RAP2A: variants seen among roughly 807,000 people sequenced by gnomAD.
RAP2A encodes RAP2A, member of RAS oncogene family, also known as ras-related protein Rap-2a.
A neutral mutation model predicts 15.1 loss-of-function variants in RAP2A; 5 were observed. The ratio of observed to expected loss-of-function variants is 0.33; its 90% CI spans 0.17 to 0.70. RAP2A has a LOEUF of 0.70. RAP2A is among the 30% of genes least tolerant of loss of function. The pLI is 0.68. For missense variants in RAP2A, 111 were observed against 240.3 expected, an observed-to-expected ratio of 0.46 and a Z score of 3.56; for synonymous variants, 110 against 99.7, an observed-to-expected ratio of 1.10 and a Z score of -0.62.
intron 1 of RAP2A, among the ~76,000 whole-genome samples, chr13:97,458,670 A>G (rs771216741): frequency 3.9e-5 from 6 of 152,232 alleles, no homozygotes; most frequent in Admixed American, 6.5e-5. Context: ...ACTATCTTTA[A>G]AAGAATTCTC....
chr13:97,434,327 G>A lies in RAP2A; in HGVS notation c.-144G>A, dbSNP rs1374025754. 1.8e-6 allele frequency: 1 copy of A among 547,766 alleles called. No homozygotes were observed. The highest frequency in any genetic ancestry group is 2.3e-6 in the Non-Finnish European group (1 of 433,806). 33.9% of individuals were successfully genotyped at this position (547,766 alleles called of 1,614,324 possible). ...CTCAGTTGCCGCCGCCGCCGCCGGC[G>A]CCCAGGGGGCCGCCGCGGCTGTGAG... On this transcript the variant is annotated 5_prime_UTR_variant, in exon 1 of 2. Transcript: ENST00000245304.
In RAP2A at chr13:97,467,177, T is replaced by C. The variant is rs1034774513; in HGVS notation, c.*2735T>C. Reference sequence around the variant, plus strand: ...TTTACTTTTATACAAAGGCAGCATCTTTGAATTTTTTTTTCTTTTGATGTT... The same window carrying C: ...TTTACTTTTATACAAAGGCAGCATCCTTGAATTTTTTTTTCTTTTGATGTT... On this transcript the variant is annotated 3_prime_UTR_variant, in exon 2 of 2. Transcript: ENST00000245304. 6.6e-6 allele frequency: 1 copy of C among 152,628 alleles called. No homozygotes were observed. Among genetic ancestry groups the C allele is most frequent in the Non-Finnish European group, 1.5e-5 (1 of 68,050 alleles). The allele number at this position is 152,628 out of a possible 1,614,324, so 9.5% of individuals were successfully genotyped here.
At position 97,466,596 on chromosome 13, in the gene RAP2A, A is replaced by T. The variant is rs1377974027; in HGVS notation, c.*2154A>T. Reference sequence around the variant, plus strand: ...TTGACAAGTAAGATTGCAAAATAGAAATATCTATAAAGATTCCACAGTTTG... The same window carrying T: ...TTGACAAGTAAGATTGCAAAATAGATATATCTATAAAGATTCCACAGTTTG... On this transcript the variant is annotated 3_prime_UTR_variant, in exon 2 of 2. Transcript: ENST00000245304. The T allele has an allele frequency of 6.6e-6, 1 of 152,238 alleles. No homozygotes were observed. The highest frequency in any genetic ancestry group is 2.4e-5 in the African/African-American group (1 of 41,468). 9.4% of individuals were successfully genotyped at this position (152,238 alleles called of 1,614,324 possible).
At chr13:97,440,094 C>T (rs2066650854) in intron 1 of RAP2A, among the ~76,000 whole-genome samples, 1 of 152,012 alleles carries the variant, frequency 6.6e-6, no homozygotes, top group African/African-American at 2.4e-5. Context: ...CGAGAGTATA[C>T]ATCAAAAGAT....
chr13:97,434,987 C>T (rs1390050755), intron 1 of RAP2A, among the ~76,000 whole-genome samples: 1 of 152,224 alleles, frequency 6.6e-6, no homozygotes, highest in Non-Finnish European at 1.5e-5. Context: ...ATCGTGTTAG[C>T]CCACAGAACA....
chr13:97,447,991 T>C (rs1011339475), intron 1 of RAP2A, among the ~76,000 whole-genome samples: 10 of 152,136 alleles, frequency 6.6e-5, no homozygotes, highest in African/African-American at 1.9e-4. Context: ...TTTTTCTTTT[T>C]TCTTTTTTTA....
At chr13:97,437,226 A>G (rs2066637876) in intron 1 of RAP2A, 1 of 152,212 alleles carries the variant, frequency 6.6e-6, no homozygotes, top group Admixed American at 6.5e-5. Context: ...TTAATAAGGT[A>G]CTTTACTTCT....
chr13:97,468,993 G>A lies in RAP2A; in HGVS notation c.*4551G>A, dbSNP rs188397465. The A allele has an allele frequency of 1.8e-3, 275 of 152,154 alleles. 1 individual carries two copies. The highest frequency in any genetic ancestry group is 6.1e-3 in the African/African-American group (252 of 41,510). The allele number at this position is 152,154 out of a possible 1,614,324, so 9.4% of individuals were successfully genotyped here. On this transcript the variant is annotated 3_prime_UTR_variant, in exon 2 of 2. Transcript: ENST00000245304. Reference sequence around the variant, plus strand: ...ACTTCTGAAAGAAGCTGTTGACCTCGTTTCTTAATTTAAAATATGTTGCCA... The same window carrying A: ...ACTTCTGAAAGAAGCTGTTGACCTCATTTCTTAATTTAAAATATGTTGCCA...
chr13:97,454,469 T>C (rs1259275921), intron 1 of RAP2A, among the ~76,000 whole-genome samples: 1 of 151,186 alleles, frequency 6.6e-6, no homozygotes, highest in East Asian at 1.9e-4. Flanking sequence ...AAATGGTTGT[T>C]GTAGGTATTA....
intron 1 of RAP2A, among the ~76,000 whole-genome samples, chr13:97,438,249 G>A (rs1031280131): frequency 3.9e-5 from 6 of 152,084 alleles, no homozygotes; most frequent in Admixed American, 2.0e-4. Flanking sequence ...TTGCTGTTAG[G>A]AAAAAGTCCA....
chr13:97,441,622 G>T (rs2066657973), intron 1 of RAP2A: 4 of 243,984 alleles, frequency 1.6e-5, no homozygotes, highest in South Asian at 8.5e-5. Context: ...TTCTCTTTTA[G>T]TCATTGTCTT....
rs2066621916 is a variant in RAP2A, at chr13:97,434,213, T to C, written c.-258T>C. On this transcript the variant is annotated 5_prime_UTR_variant, in exon 1 of 2. Coordinates refer to ENST00000245304, the MANE Select transcript of RAP2A (RefSeq NM_021033.7). ...GGCGGCACCAGCGGCTCCCGGTCTC[T>C]CTCTCTGCTCGCCCTCAGTCCCACC... 1 of 144,486 alleles carries C rather than the reference T, an allele frequency of 6.9e-6. No homozygotes were observed. The highest frequency in any genetic ancestry group is 2.2e-4 in the East Asian group (1 of 4,614). 9.0% of individuals were successfully genotyped at this position (144,486 alleles called of 1,614,324 possible). A position where few individuals can be genotyped will look rare whatever the true frequency, so the allele number is the denominator to read the frequency against.
chr13:97,447,860 A>T (rs905465007), intron 1 of RAP2A, among the ~76,000 whole-genome samples: 2 of 152,062 alleles, frequency 1.3e-5, no homozygotes, highest in African/African-American at 4.8e-5. Flanking sequence ...TAAAACATTC[A>T]TTGCCCTTGC....
At chr13:97,462,248 A>C (rs1184348262) in intron 1 of RAP2A, among the ~76,000 whole-genome samples, 1 of 151,886 alleles carries the variant, frequency 6.6e-6, no homozygotes, top group Non-Finnish European at 1.5e-5. Flanking sequence ...CTGTCAAGCA[A>C]AGCATTTTAA....
intron 1 of RAP2A, among the ~76,000 whole-genome samples, chr13:97,452,513 G>A (rs2153179853): frequency 6.6e-6 from 1 of 151,204 alleles, no homozygotes; most frequent in South Asian, 2.1e-4. Context: ...CTTAATTTTT[G>A]TAACTTTATA....
Position 97,466,253 on chromosome 13 carries a change from C to T in RAP2A, c.*1811C>T, listed in dbSNP as rs952600640. 1.3e-5 allele frequency: 2 copies of T among 148,888 alleles called. No homozygotes were observed. Among genetic ancestry groups the T allele is most frequent in the Non-Finnish European group, 3.0e-5 (2 of 67,278 alleles). The allele number at this position is 148,888 out of a possible 1,614,324, so 9.2% of individuals were successfully genotyped here. On this transcript the variant is annotated 3_prime_UTR_variant, in exon 2 of 2. Coordinates refer to ENST00000245304, the MANE Select transcript of RAP2A (RefSeq NM_021033.7). ...GATAGTATTTTTCATAATGAAAAAA[C>T]TGAAGAGATACGTGAATGAAACCAG...
At chr13:97,450,650 A>G (rs2066698220) in intron 1 of RAP2A, among the ~76,000 whole-genome samples, 1 of 151,538 alleles carries the variant, frequency 6.6e-6, no homozygotes, top group East Asian at 1.9e-4. Flanking sequence ...TGACTTAGAT[A>G]TTACGCTTAA....
chr13:97,444,898 G>A (rs565763458), intron 1 of RAP2A, among the ~76,000 whole-genome samples: 5 of 152,058 alleles, frequency 3.3e-5, no homozygotes, highest in South Asian at 2.1e-4. Flanking sequence ...AAATTCCTTC[G>A]ACTGTGTAAT....
Position 97,464,520 on chromosome 13 carries a change from C to G in RAP2A, c.*78C>G. 1.9e-5 allele frequency: 25 copies of G among 1,304,868 alleles called. No homozygotes were observed. The highest frequency in any genetic ancestry group is 2.7e-5 in the Non-Finnish European group (25 of 909,140). The allele number at this position is 1,304,868 out of a possible 1,614,324, so 80.8% of individuals were successfully genotyped here. A position where few individuals can be genotyped will look rare whatever the true frequency, so the allele number is the denominator to read the frequency against. ...AAAACTCGCCTACTCCACTGCAGAACTTGCAGAATGCGTGGTGTTAATCTA... is the reference window on the plus strand; with the variant it reads ...AAAACTCGCCTACTCCACTGCAGAAGTTGCAGAATGCGTGGTGTTAATCTA... On this transcript the variant is annotated 3_prime_UTR_variant, in exon 2 of 2. Coordinates refer to ENST00000245304, the MANE Select transcript of RAP2A (RefSeq NM_021033.7).
Sources: allele counts gnomAD v4.1 joint callset (sites outside exome capture counted in the v4.1 genomes callset), GRCh38; gene constraint gnomAD v4.1.1; transcripts MANE v1.5; gene names NCBI Gene and HGNC (gene_info 2026-07-23, HGNC 2026-07-21).